The following PCTP variants were observed in gnomAD, a reference collection of about 807,000 sequenced individuals.
The protein encoded by PCTP is START domain-containing protein 2.
In PCTP, 27 loss-of-function variants were observed where a neutral mutation model predicts 31.0. That is an observed-to-expected ratio of 0.87 (90% confidence interval 0.64 to 1.20). The LOEUF (loss-of-function observed/expected upper bound fraction) is 1.20, where lower values mean the gene tolerates loss of function less well. PCTP is among the 50% of genes most tolerant of loss of function. The probability of loss-of-function intolerance (pLI) is 0.00; values close to 1 mark genes in which losing one functional copy is unlikely to be tolerated. For missense variants in PCTP, 287 were observed against 268.2 expected (o/e 1.07, Z -0.49); for synonymous variants, 108 against 101.2 (o/e 1.07, Z -0.40).
At chr17:55,773,922 AC>A in intron 4 of PCTP, 27 bp downstream of exon 4, 1 of 1,565,544 alleles carries the variant, frequency 6.4e-7, no homozygotes, top group Non-Finnish European at 8.7e-7. Flanking sequence ...CTGTCAGTGC[AC>A]CCAGCCAGGG....
intron 1 of PCTP, among the ~76,000 whole-genome samples, chr17:55,755,784 A>G (rs533724805): frequency 5.3e-5 from 8 of 152,326 alleles, no homozygotes; most frequent in Admixed American, 5.2e-4. Flanking sequence ...GCTGCAAATT[A>G]TAAATGCTGT....
intron 1 of PCTP, among the ~76,000 whole-genome samples, chr17:55,755,918 C>G (rs1909992656): frequency 6.6e-6 from 1 of 152,192 alleles, no homozygotes; most frequent in African/African-American, 2.4e-5. Flanking sequence ...TAACTAATAA[C>G]TAATGTGAAC....
intron 5 of PCTP, among the ~76,000 whole-genome samples, chr17:55,830,878 C>G (rs2145078619): frequency 6.6e-6 from 1 of 152,272 alleles, no homozygotes; most frequent in East Asian, 1.9e-4. Context: ...TGCTGTGAGG[C>G]AGCAGTATAA....
downstream of PCTP, among the ~76,000 whole-genome samples, chr17:55,824,210 G>A (rs62078594): frequency 0.11 from 16,211 of 152,072 alleles, 971 homozygotes; most frequent in Middle Eastern, 0.19. Flanking sequence ...CAGTGACCCA[G>A]TTACTGACCT....
intron 3 of PCTP, among the ~76,000 whole-genome samples, chr17:55,801,968 G>C (rs1912399417): frequency 6.6e-6 from 1 of 152,102 alleles, no homozygotes; most frequent in African/African-American, 2.4e-5. Context: ...TAGATGGCTA[G>C]CCAGACTAAT....
intron 1 of PCTP, among the ~76,000 whole-genome samples, chr17:55,765,413 G>T (rs1042146934): frequency 6.6e-6 from 1 of 152,086 alleles, no homozygotes; most frequent in African/African-American, 2.4e-5. Context: ...ATTCCCATCT[G>T]CCCAACTTGG....
In PCTP at chr17:55,802,062, C is replaced by T. The variant is rs548991041; in HGVS notation, c.317+14408C>T. Among the ~76,000 whole-genome samples the T allele has an allele frequency of 1.4e-4, 21 of 152,236 alleles. No homozygotes were observed. In the South Asian group the frequency reaches 1.9e-3, roughly 14 times the overall value. On this transcript the variant is annotated intron_variant, in intron 3 of 3. Transcript: ENST00000572536. ...ACCACTGATCCCACAGAAATACAAA[C>T]TACCATTACAGAATACTATAAACAC... is the stretch of plus-strand genomic sequence containing the variant.
chr17:55,751,528 G>C, intron 1 of PCTP: 1 of 1,477,378 alleles, frequency 6.8e-7, no homozygotes, highest in South Asian at 1.2e-5. Flanking sequence ...TTGAAACGTG[G>C]GTCAGCTGGT....
At chr17:55,767,626 G>C (rs1036304630) in intron 2 of PCTP, among the ~76,000 whole-genome samples, 174 bp downstream of exon 2, 1 of 151,886 alleles carries the variant, frequency 6.6e-6, no homozygotes, top group Non-Finnish European at 1.5e-5. Context: ...CACCACACCT[G>C]GCTAATTTTT....
chr17:55,777,111 A>T lies in PCTP; in HGVS notation c.*1011A>T, dbSNP rs2144978140. On this transcript the variant is annotated 3_prime_UTR_variant, in exon 6 of 6. Transcript: ENST00000268896. ...TCTGCCTAAGTTGTCTGCCTTTTCT[A>T]CCACCAAAAAGACTTTTAGTTTTCT... 1 of 985,852 alleles carries T rather than the reference A, an allele frequency of 1.0e-6. No individual in the cohort carries two copies. The highest frequency in any genetic ancestry group is 1.7e-5 in the African/African-American group (1 of 57,354). The allele number at this position is 985,852 out of a possible 1,614,324, so 61.1% of individuals were successfully genotyped here. A position where few individuals can be genotyped will look rare whatever the true frequency, so the allele number is the denominator to read the frequency against.
intron 3 of PCTP, among the ~76,000 whole-genome samples, chr17:55,811,695 A>C (rs1287959051): frequency 1.3e-5 from 2 of 152,242 alleles, no homozygotes; most frequent in Non-Finnish European, 2.9e-5. Flanking sequence ...GTTCCAAAAC[A>C]CACTTGGGTG....
intron 3 of PCTP, among the ~76,000 whole-genome samples, chr17:55,814,261 T>G (rs529262116): frequency 6.6e-6 from 1 of 152,288 alleles, no homozygotes; most frequent in South Asian, 2.1e-4. Context: ...CATGTGTTAA[T>G]GGTTCCCATT....
intron 3 of PCTP, among the ~76,000 whole-genome samples, chr17:55,810,714 G>T (rs1912723978): frequency 6.6e-6 from 1 of 152,182 alleles, no homozygotes; most frequent in Admixed American, 6.5e-5. Flanking sequence ...TCAACCTGTT[G>T]GGATGCTTCC....
At chr17:55,805,842 T>G in intron 3 of PCTP, among the ~76,000 whole-genome samples, 1 of 151,646 alleles carries the variant, frequency 6.6e-6, no homozygotes, top group East Asian at 1.9e-4. Context: ...GCTTTTGAAG[T>G]AGGGTATGAG....
chr17:55,838,805 T>C (rs1905861381), intron 5 of PCTP, among the ~76,000 whole-genome samples: 1 of 152,230 alleles, frequency 6.6e-6, no homozygotes, highest in African/African-American at 2.4e-5. Flanking sequence ...CAAAGAAGTG[T>C]ACTTATCGGA....
rs1241080236 is a variant in PCTP at position 55,776,484 on chromosome 17, C to T, written c.*384C>T. On this transcript the variant is annotated 3_prime_UTR_variant, in exon 6 of 6. Transcript: ENST00000268896. ...TTACGGGGATGGGTGGGCGGAGGGA[C>T]ACAACAAAATTTAAGAATGACTATT... The T allele has an allele frequency of 1.6e-6, 2 of 1,231,860 alleles. No individual in the cohort carries two copies. The highest frequency in any genetic ancestry group is 2.0e-6 in the Non-Finnish European group (2 of 988,184). The allele number at this position is 1,231,860 out of a possible 1,614,324, so 76.3% of individuals were successfully genotyped here.
At chr17:55,838,682 T>C (rs775436461) in intron 5 of PCTP, among the ~76,000 whole-genome samples, 4 of 152,240 alleles carry the variant, frequency 2.6e-5, no homozygotes, top group Non-Finnish European at 4.4e-5. Context: ...ATGCTTTTTA[T>C]TGAATATCTA....
At chr17:55,768,806 C>T (rs1185950490) in intron 2 of PCTP, 1 of 152,162 alleles carries the variant, frequency 6.6e-6, no homozygotes, top group Non-Finnish European at 1.5e-5. Context: ...AGACATCACA[C>T]AGGGACTTCT....
chr17:55,845,804 C>G (rs373881984), downstream of PCTP, among the ~76,000 whole-genome samples: 2 of 152,054 alleles, frequency 1.3e-5, no homozygotes, highest in South Asian at 2.1e-4. Flanking sequence ...ACCCCCTCCC[C>G]CCATTCTCCC....
Sources: allele counts gnomAD v4.1 joint callset (sites outside exome capture counted in the v4.1 genomes callset), GRCh38; gene constraint gnomAD v4.1.1; transcripts MANE v1.5; gene names NCBI Gene and HGNC (gene_info 2026-07-23, HGNC 2026-07-21).